The following RAP1A variants were observed in gnomAD, a reference collection of about 807,000 sequenced individuals.
The protein encoded by RAP1A is ras-related protein Rap-1A.
Under a neutral mutation model 26.4 loss-of-function variants are expected in RAP1A, and 6 were observed. The observed-to-expected ratio is 0.23, with a 90% CI of 0.12 to 0.45. RAP1A has a LOEUF of 0.45. Among genes scored for constraint, RAP1A ranks in the 20% least tolerant of loss-of-function variants. The pLI, the probability that RAP1A is intolerant of heterozygous loss-of-function variation, is 0.99. For synonymous variants in RAP1A, 73 were observed against 79.4 expected, an observed-to-expected ratio of 0.92 and a Z score of 0.43; for missense variants, 121 against 217.2, an observed-to-expected ratio of 0.56 and a Z score of 2.78.
At chr1:111,660,754 A>G (rs1660608095) in intron 1 of RAP1A, among the ~76,000 whole-genome samples, 1 of 152,132 alleles carries the variant, frequency 6.6e-6, no homozygotes, top group Non-Finnish European at 1.5e-5. Context: ...CGTGGCCTAA[A>G]AGCCTGTATT....
rs1424374230 is a variant in RAP1A at position 111,627,459 on chromosome 1, T to C, written c.-28+7525T>C. On this transcript the variant is annotated intron_variant, in intron 1 of 7. Transcript: ENST00000369709. ...TTTGATTGCATCTCTGTTTTTTTTT[T>C]CTTCCTGTAGGATAGATTCCCAGAA... The C allele has an allele frequency of 6.6e-6, 1 of 152,112 alleles. No homozygotes were observed. The highest frequency in any genetic ancestry group is 1.5e-5 in the Non-Finnish European group (1 of 68,008). The allele number at this position is 152,112 out of a possible 1,614,324, so 9.4% of individuals were successfully genotyped here. A position where few individuals can be genotyped will look rare whatever the true frequency, so the allele number is the denominator to read the frequency against.
At chr1:111,628,158 T>G (rs1332427120) in intron 1 of RAP1A, among the ~76,000 whole-genome samples, 1 of 152,234 alleles carries the variant, frequency 6.6e-6, no homozygotes, top group Non-Finnish European at 1.5e-5. Flanking sequence ...GTAAGACCAC[T>G]TGGCACATAG....
intron 1 of RAP1A, among the ~76,000 whole-genome samples, chr1:111,677,001 C>T (rs1661147159): frequency 6.6e-6 from 1 of 152,148 alleles, no homozygotes; most frequent in African/African-American, 2.4e-5. Flanking sequence ...ACCATATTGG[C>T]CAGGCCGGTC....
chr1:111,657,545 T>C (rs1660500861), intron 1 of RAP1A, among the ~76,000 whole-genome samples: 1 of 152,196 alleles, frequency 6.6e-6, no homozygotes, highest in Admixed American at 6.5e-5. Flanking sequence ...TCCATTGTCA[T>C]GTATCTTTCC....
At chr1:111,621,372 T>C (rs1239518380) in intron 1 of RAP1A, among the ~76,000 whole-genome samples, 1 of 152,318 alleles carries the variant, frequency 6.6e-6, no homozygotes, top group East Asian at 1.9e-4. Flanking sequence ...CCAGACTTTC[T>C]GTCTTTATTA....
At chr1:111,688,097 C>CTT (rs542315869) in intron 1 of RAP1A, among the ~76,000 whole-genome samples, 22,124 of 123,942 alleles carry the variant, frequency 0.18, 2,123 homozygotes, top group East Asian at 0.2. Context: ...TTGCCTCCAG[C>CTT]TTTTTTTTTT....
chr1:111,561,280 C>T (rs888489202), intron 1 of RAP1A, among the ~76,000 whole-genome samples: 4 of 152,098 alleles, frequency 2.6e-5, no homozygotes, highest in African/African-American at 7.2e-5. Flanking sequence ...CACACCACCA[C>T]GCCTGGCTAA....
At chr1:111,655,399 C>CT (rs924692216) in intron 1 of RAP1A, among the ~76,000 whole-genome samples, 5 of 151,860 alleles carry the variant, frequency 3.3e-5, no homozygotes, top group South Asian at 2.1e-4. Flanking sequence ...TAGGAACAAA[C>CT]TTTTTTTAAA....
chr1:111,617,202 G>A (rs1003407810), upstream of RAP1A, among the ~76,000 whole-genome samples: 1 of 152,302 alleles, frequency 6.6e-6, no homozygotes, highest in Non-Finnish European at 1.5e-5. Flanking sequence ...CTACATTTCA[G>A]CTCCTACCTG....
chr1:111,682,408 C>T (rs1312447451), intron 1 of RAP1A, among the ~76,000 whole-genome samples: 1 of 151,680 alleles, frequency 6.6e-6, no homozygotes, highest in Non-Finnish European at 1.5e-5. Flanking sequence ...CAAGACCCAT[C>T]AGTGTGCTGT....
chr1:111,632,921 C>CAAAAAAAAAAAAAAAAAAAAAAAAAA (rs59053038), intron 1 of RAP1A, among the ~76,000 whole-genome samples: 1 of 68,786 alleles, frequency 1.5e-5, no homozygotes, highest in Non-Finnish European at 2.7e-5. Context: ...AACTTGGTCT[C>CAAAAAAAAAAAAAAAAAAAAAAAAAA]AAAAAAAAAA....
At chr1:111,652,447 C>A (rs1463843590) in intron 1 of RAP1A, among the ~76,000 whole-genome samples, 1 of 151,880 alleles carries the variant, frequency 6.6e-6, no homozygotes, top group Non-Finnish European at 1.5e-5. Context: ...TTTGTATGGC[C>A]CTCAAGCTAA....
rs1488619404 is a variant in RAP1A, at chr1:111,619,809, T to TGCC, written c.-144_-142dup. ...GCGCCGCCGCCGCTCCCGAGGCCCC[T>TGCC]GCCGCCGCCGCTCCCGCTGCTGTCG... On this transcript the variant is annotated 5_prime_UTR_variant, in exon 1 of 8. Coordinates refer to ENST00000369709, the MANE Select transcript of RAP1A (RefSeq NM_002884.4). 7.5e-6 allele frequency: 3 copies of TGCC among 398,330 alleles called. No individual in the cohort carries two copies. Among genetic ancestry groups the TGCC allele is most frequent in the Admixed American group, 4.4e-5 (1 of 22,612 alleles). The allele number at this position is 398,330 out of a possible 1,614,324, so 24.7% of individuals were successfully genotyped here.
At chr1:111,685,557 A>G (rs1235101082) in intron 1 of RAP1A, among the ~76,000 whole-genome samples, 1 of 152,258 alleles carries the variant, frequency 6.6e-6, no homozygotes, top group South Asian at 2.1e-4. Context: ...AGAAATGCAA[A>G]TCAAAACCAC....
chr1:111,606,544 T>TAC (rs1658783102), intron 1 of RAP1A, among the ~76,000 whole-genome samples: 1 of 152,254 alleles, frequency 6.6e-6, no homozygotes, highest in Non-Finnish European at 1.5e-5. Flanking sequence ...GGCCCAGTAG[T>TAC]ACCACATCAT....
chr1:111,581,711 A>G (rs995212220), intron 1 of RAP1A, among the ~76,000 whole-genome samples: 10 of 152,198 alleles, frequency 6.6e-5, no homozygotes, highest in African/African-American at 2.2e-4. Flanking sequence ...ATTGAATACT[A>G]TGTAGGTACT....
Position 111,714,153 on chromosome 1 carries a change from T to C in RAP1A, c.*1752T>C, listed in dbSNP as rs1662466013. On this transcript the variant is annotated 3_prime_UTR_variant, in exon 8 of 8. Coordinates refer to ENST00000369709, the MANE Select transcript of RAP1A (RefSeq NM_002884.4). ...AATGGAAATTTTTTTTGTTTGTGTT[T>C]TTGTTTTAGTTTCGAATAAACTTAG... 1 of 152,214 alleles carries C rather than the reference T, an allele frequency of 6.6e-6. No homozygotes were observed. The allele number at this position is 152,214 out of a possible 1,614,324, so 9.4% of individuals were successfully genotyped here.
intron 1 of RAP1A, among the ~76,000 whole-genome samples, chr1:111,673,567 G>A (rs1661038340): frequency 6.6e-6 from 1 of 152,194 alleles, no homozygotes; most frequent in Admixed American, 6.5e-5. Context: ...GGACCATAAT[G>A]TTAGGGACTC....
At chr1:111,582,295 G>A (rs1658272786) in intron 1 of RAP1A, among the ~76,000 whole-genome samples, 1 of 152,174 alleles carries the variant, frequency 6.6e-6, no homozygotes, top group South Asian at 2.1e-4. Context: ...CACAAGGGGT[G>A]GAGAAGTACC....
Sources: gnomAD v4.1 joint callset for allele counts (sites outside exome capture counted in the v4.1 genomes callset) on GRCh38, gnomAD v4.1.1 for gene constraint, MANE v1.5 for transcripts, NCBI Gene and HGNC (gene_info 2026-07-23, HGNC 2026-07-21) for gene names.